Variants in CNTN5 observed in about 807,000 individuals in gnomAD.
The protein encoded by CNTN5 is contactin-5.
A neutral mutation model predicts 129.1 loss-of-function variants in CNTN5; 77 were observed. That is an observed-to-expected ratio of 0.60 (90% confidence interval 0.50 to 0.72). The LOEUF is 0.72. CNTN5 is among the 30% of genes least tolerant of loss of function. CNTN5 has a pLI of 0.00. For synonymous variants in CNTN5, 509 were observed against 465.6 expected (o/e 1.09, Z -1.20); for missense variants, 1,478 against 1,328.8 (o/e 1.11, Z -1.75).
Position 99,483,174 on chromosome 11 carries a change from CAAAAAAAAAAAAAAA to C in CNTN5, c.-70-72957_-70-72943del, listed in dbSNP as rs34200342. ...CTGGCAACAGAGTGAGACTCCTTCT[CAAAAAAAAAAAAAAA>C]AAAAAAAAAAAAAGTTTTAGAACAG... On this transcript the variant is annotated intron_variant, in intron 2 of 24. Coordinates refer to ENST00000524871, the MANE Select transcript of CNTN5 (RefSeq NM_014361.4). 2.4e-4 allele frequency among the ~76,000 whole-genome samples: 14 copies of C among 59,556 alleles called. 1 individual carries two copies. The East Asian group carries it at 9.4e-3, about 40-fold the overall frequency. 39.1% of individuals were successfully genotyped at this position (59,556 alleles called of 152,430 possible).
At chr11:99,895,502 G>C (rs1259225181) in intron 6 of CNTN5, among the ~76,000 whole-genome samples, 6 of 152,196 alleles carry the variant, frequency 3.9e-5, no homozygotes, top group African/African-American at 1.4e-4. Context: ...ACTTCAAGTG[G>C]ATTATCTAAG....
At chr11:99,156,402 T>A (rs913694240) in intron 1 of CNTN5, among the ~76,000 whole-genome samples, 33 of 152,158 alleles carry the variant, frequency 2.2e-4, no homozygotes, top group African/African-American at 6.0e-4. Context: ...AGATTAATTA[T>A]CACTCATTTT....
chr11:99,316,318 A>G (rs951786999), intron 1 of CNTN5, among the ~76,000 whole-genome samples: 1 of 152,158 alleles, frequency 6.6e-6, no homozygotes. Flanking sequence ...TATTCTTCCT[A>G]CTCCTTAGCA....
chr11:99,963,514 T>C (rs1311677484), intron 8 of CNTN5, among the ~76,000 whole-genome samples: 1 of 152,192 alleles, frequency 6.6e-6, no homozygotes, highest in African/African-American at 2.4e-5. Flanking sequence ...TCTGTTGGTC[T>C]ATATCTCTGT....
chr11:99,945,701 G>C (rs558237484), intron 7 of CNTN5, among the ~76,000 whole-genome samples: 7 of 152,116 alleles, frequency 4.6e-5, no homozygotes, highest in Non-Finnish European at 7.4e-5. Context: ...CTGCAAAGCT[G>C]CTAGGTGATG....
intron 8 of CNTN5, among the ~76,000 whole-genome samples, chr11:99,970,875 T>G (rs1053721769): frequency 1.3e-5 from 2 of 152,092 alleles, no homozygotes; most frequent in Admixed American, 1.3e-4. Flanking sequence ...TTCAATAGTT[T>G]TTCACTCCAA....
chr11:99,397,739 T>G (rs1380470063), intron 2 of CNTN5, among the ~76,000 whole-genome samples: 1 of 151,808 alleles, frequency 6.6e-6, no homozygotes, highest in African/African-American at 2.4e-5. Flanking sequence ...TTACAAGATG[T>G]TTCAGGCTCA....
At chr11:99,261,236 A>G (rs914471021) in intron 1 of CNTN5, among the ~76,000 whole-genome samples, 1 of 152,124 alleles carries the variant, frequency 6.6e-6, no homozygotes, top group African/African-American at 2.4e-5. Flanking sequence ...AAGTAATAAG[A>G]AAATTGAATC....
chr11:99,469,950 T>G (rs112350602), intron 2 of CNTN5, among the ~76,000 whole-genome samples: 3 of 152,170 alleles, frequency 2.0e-5, no homozygotes, highest in African/African-American at 7.2e-5. Flanking sequence ...GTCAGTCATA[T>G]ACTAGGCATT....
intron 16 of CNTN5, among the ~76,000 whole-genome samples, chr11:100,231,738 C>T (rs543850678): frequency 6.6e-6 from 1 of 152,300 alleles, no homozygotes; most frequent in African/African-American, 2.4e-5. Flanking sequence ...ATTTAGGGTT[C>T]TCCATTCTAT....
chr11:100,267,153 A>G (rs1950320270), intron 17 of CNTN5, among the ~76,000 whole-genome samples: 1 of 152,010 alleles, frequency 6.6e-6, no homozygotes, highest in African/African-American at 2.4e-5. Context: ...ACAAAATTCC[A>G]TGGACTGAGT....
intron 1 of CNTN5, among the ~76,000 whole-genome samples, chr11:99,200,845 T>C (rs1306008755): frequency 6.6e-6 from 1 of 152,122 alleles, no homozygotes; most frequent in Non-Finnish European, 1.5e-5. Flanking sequence ...TAATATACCC[T>C]TGGATTGGCT....
At chr11:99,797,273 T>C (rs1003098679) in intron 3 of CNTN5, among the ~76,000 whole-genome samples, 4 of 152,186 alleles carry the variant, frequency 2.6e-5, no homozygotes, top group Admixed American at 2.0e-4. Flanking sequence ...TATCCAGTAA[T>C]GGGACTGATA....
At chr11:100,087,155 C>T (rs1188285063) in intron 13 of CNTN5, among the ~76,000 whole-genome samples, 2 of 149,310 alleles carry the variant, frequency 1.3e-5, no homozygotes, top group African/African-American at 4.9e-5. Flanking sequence ...ATACTGAGAG[C>T]AAAAATGAAA....
chr11:100,187,008 C>T (rs1208524567), intron 13 of CNTN5, among the ~76,000 whole-genome samples: 1 of 152,104 alleles, frequency 6.6e-6, no homozygotes, highest in Non-Finnish European at 1.5e-5. Flanking sequence ...GACACTGCCA[C>T]TTAACAGACA....
At chr11:99,957,087 T>A in intron 8 of CNTN5, 78 bp downstream of exon 8, 1 of 1,237,758 alleles carries the variant, frequency 8.1e-7, no homozygotes, top group Admixed American at 2.7e-5. Context: ...TGTTTTTTTT[T>A]TAAGACCTGG....
chr11:99,539,175 G>A (rs1289225138), intron 2 of CNTN5, among the ~76,000 whole-genome samples: 2 of 151,974 alleles, frequency 1.3e-5, no homozygotes, highest in African/African-American at 4.8e-5. Flanking sequence ...TTAAAATTAA[G>A]TTTTATCACA....
At chr11:99,151,760 G>A (rs1860067892) in intron 1 of CNTN5, among the ~76,000 whole-genome samples, 1 of 152,114 alleles carries the variant, frequency 6.6e-6, no homozygotes, top group Non-Finnish European at 1.5e-5. Flanking sequence ...GCAGGGACAT[G>A]GATGAAGCCG....
chr11:99,739,186 A>G (rs1476711289), intron 3 of CNTN5, among the ~76,000 whole-genome samples: 1 of 152,116 alleles, frequency 6.6e-6, no homozygotes, highest in East Asian at 1.9e-4. Flanking sequence ...TTATTCCCTT[A>G]TGAACTTTAA....
Sources: gnomAD v4.1 joint callset for allele counts (sites outside exome capture counted in the v4.1 genomes callset) on GRCh38, gnomAD v4.1.1 for gene constraint, MANE v1.5 for transcripts, NCBI Gene and HGNC (gene_info 2026-07-23, HGNC 2026-07-21) for gene names.